DCC: variants seen among roughly 807,000 people sequenced by gnomAD.
DCC encodes the protein DCC netrin 1 receptor, also known as netrin receptor DCC.
A neutral mutation model predicts 172.5 loss-of-function variants in DCC; 58 were observed. The ratio of observed to expected loss-of-function variants is 0.34; its 90% CI spans 0.27 to 0.42. The LOEUF is 0.42. DCC is among the 10% of genes least tolerant of loss of function. The probability of loss-of-function intolerance (pLI) is 1.00; values close to 1 mark genes in which losing one functional copy is unlikely to be tolerated. For synonymous variants in DCC, 709 were observed against 644.5 expected (o/e 1.10, Z -1.52); for missense variants, 1,740 against 1,791.0 (o/e 0.97, Z 0.51).
At chr18:52,659,124 C>T (rs1373908275) in intron 1 of DCC, among the ~76,000 whole-genome samples, 1 of 152,166 alleles carries the variant, frequency 6.6e-6, no homozygotes, top group Non-Finnish European at 1.5e-5. Context: ...CTACCTTTCT[C>T]TACCACTAGA....
At chr18:53,000,086 A>G (rs1249576763) in intron 5 of DCC, among the ~76,000 whole-genome samples, 1 of 152,080 alleles carries the variant, frequency 6.6e-6, no homozygotes, top group Non-Finnish European at 1.5e-5. Context: ...CAGAGCAAGT[A>G]TAGCCCTGCT....
chr18:53,090,642 C>G (rs1250564858), intron 7 of DCC, among the ~76,000 whole-genome samples: 1 of 128,942 alleles, frequency 7.8e-6, no homozygotes, highest in African/African-American at 3.0e-5. Context: ...TGCAGTGAGC[C>G]GAGATCACAC....
intron 1 of DCC, among the ~76,000 whole-genome samples, chr18:52,437,273 T>TC (rs1987826511): frequency 6.6e-6 from 1 of 152,150 alleles, no homozygotes; most frequent in Admixed American, 6.5e-5. Flanking sequence ...AGAGAGTGCA[T>TC]CCTGCCTGAT....
At chr18:52,554,338 G>A (rs2032853617) in intron 1 of DCC, among the ~76,000 whole-genome samples, 1 of 152,094 alleles carries the variant, frequency 6.6e-6, no homozygotes, top group African/African-American at 2.4e-5. Flanking sequence ...CTGGATGAAT[G>A]CTTCTGAAAC....
At chr18:53,055,864 A>G (rs1230998700) in intron 5 of DCC, among the ~76,000 whole-genome samples, 1 of 152,258 alleles carries the variant, frequency 6.6e-6, no homozygotes, top group Non-Finnish European at 1.5e-5. Flanking sequence ...AGGAGTATGC[A>G]TTTAAAGATC....
intron 27 of DCC, among the ~76,000 whole-genome samples, chr18:53,505,867 C>A (rs961602230): frequency 6.6e-6 from 1 of 152,118 alleles, no homozygotes; most frequent in Admixed American, 6.6e-5. Flanking sequence ...TTTTACATTT[C>A]TTATACACTT....
chr18:53,140,624 A>G lies in DCC; in HGVS notation c.1262-16732A>G, dbSNP rs566408904. ...CTGTAGGTCATTCAATTTCTCTCACACAGAGAAATATGCCGAAGTAGGGAC... is the reference window on the plus strand; with the variant it reads ...CTGTAGGTCATTCAATTTCTCTCACGCAGAGAAATATGCCGAAGTAGGGAC... On this transcript the variant is annotated intron_variant, in intron 7 of 28. Transcript: ENST00000442544. 3.9e-5 allele frequency among the ~76,000 whole-genome samples: 6 copies of G among 152,282 alleles called. No individual in the cohort carries two copies. In the South Asian group the frequency reaches 1.2e-3, roughly 32 times the overall value.
intron 5 of DCC, among the ~76,000 whole-genome samples, chr18:53,040,768 T>C (rs1417763092): frequency 6.6e-6 from 1 of 151,882 alleles, no homozygotes; most frequent in Non-Finnish European, 1.5e-5. Flanking sequence ...CGAGTAACTC[T>C]GGACATGAGC....
intron 23 of DCC, among the ~76,000 whole-genome samples, chr18:53,455,301 G>A (rs918892130): frequency 4.6e-5 from 7 of 152,140 alleles, no homozygotes; most frequent in Admixed American, 6.6e-5. Flanking sequence ...GCCTGAGTCC[G>A]TAGTGGAAAT....
intron 1 of DCC, among the ~76,000 whole-genome samples, chr18:52,636,073 C>G (rs560507691): frequency 1.3e-5 from 2 of 152,296 alleles, no homozygotes; most frequent in East Asian, 1.9e-4. Context: ...AACACACCCC[C>G]CTAACTGGAG....
intron 5 of DCC, among the ~76,000 whole-genome samples, chr18:53,034,536 T>C (rs2042066421): frequency 6.6e-6 from 1 of 152,088 alleles, no homozygotes; most frequent in Non-Finnish European, 1.5e-5. Context: ...ACTACTACCA[T>C]GCCATGCTGG....
intron 27 of DCC, among the ~76,000 whole-genome samples, chr18:53,510,309 A>G (rs895729172): frequency 2.0e-5 from 3 of 152,338 alleles, no homozygotes; most frequent in African/African-American, 7.2e-5. Flanking sequence ...CAATCTGTAA[A>G]ATAAATTTTA....
At chr18:52,972,737 A>G (rs972350284) in intron 5 of DCC, among the ~76,000 whole-genome samples, 11 of 152,320 alleles carry the variant, frequency 7.2e-5, no homozygotes, top group African/African-American at 2.4e-4. Context: ...GGAACATGGT[A>G]GAGGAGCTGC....
intron 24 of DCC, among the ~76,000 whole-genome samples, chr18:53,463,593 AT>A (rs2045584858): frequency 6.6e-6 from 1 of 152,148 alleles, no homozygotes; most frequent in African/African-American, 2.4e-5. Context: ...TTTATACATT[AT>A]TTTGCCTAAT....
intron 1 of DCC, among the ~76,000 whole-genome samples, chr18:52,473,291 C>T (rs1322686583): frequency 6.6e-6 from 1 of 152,132 alleles, no homozygotes; most frequent in African/African-American, 2.4e-5. Context: ...ACAAAGTGGC[C>T]TTCCATGTTG....
At chr18:53,110,417 T>A (rs889804031) in intron 7 of DCC, among the ~76,000 whole-genome samples, 4 of 151,688 alleles carry the variant, frequency 2.6e-5, no homozygotes, top group Non-Finnish European at 1.5e-5. Context: ...CAGCAAGTTT[T>A]AAATTTTTAA....
chr18:52,988,690 A>G (rs2041333998), intron 5 of DCC, among the ~76,000 whole-genome samples: 1 of 152,130 alleles, frequency 6.6e-6, no homozygotes, highest in East Asian at 1.9e-4. Flanking sequence ...TGCATATAAA[A>G]CTTTAATCTT....
intron 5 of DCC, among the ~76,000 whole-genome samples, chr18:52,927,413 C>G (rs1422429467): frequency 4.0e-5 from 6 of 151,756 alleles, no homozygotes; most frequent in Non-Finnish European, 8.8e-5. Context: ...ATTATTTCCA[C>G]TACAGGCAGT....
At chr18:53,198,231 C>G (rs1021565198) in intron 9 of DCC, among the ~76,000 whole-genome samples, 5 of 152,068 alleles carry the variant, frequency 3.3e-5, no homozygotes, top group Admixed American at 2.6e-4. Context: ...ATGGTAGAAG[C>G]TCAGATACAA....
Sources: gnomAD v4.1 joint callset for allele counts (sites outside exome capture counted in the v4.1 genomes callset) on GRCh38, gnomAD v4.1.1 for gene constraint, MANE v1.5 for transcripts, NCBI Gene and HGNC (gene_info 2026-07-23, HGNC 2026-07-21) for gene names.